Variants in KIAA1614 observed in about 807,000 individuals in gnomAD.
The protein encoded by KIAA1614 is KIAA1614, also known as uncharacterized protein KIAA1614.
A neutral mutation model predicts 88.7 loss-of-function variants in KIAA1614; 76 were observed. The ratio of observed to expected loss-of-function variants is 0.86; its 90% CI spans 0.71 to 1.04. The LOEUF is 1.04. Among genes scored for constraint, KIAA1614 ranks in the 50% least tolerant of loss-of-function variants. The probability of loss-of-function intolerance (pLI) is 0.00; values close to 1 mark genes in which losing one functional copy is unlikely to be tolerated. For synonymous variants in KIAA1614, 714 were observed against 675.5 expected (o/e 1.06, Z -0.88); for missense variants, 1,553 against 1,582.5 (o/e 0.98, Z 0.32).
At chr1:180,944,685 C>T in intron 8 of KIAA1614, 169 bp downstream of exon 8, 1 of 664,260 alleles carries the variant, frequency 1.5e-6, no homozygotes, top group Non-Finnish European at 2.4e-6. Flanking sequence ...GTCTCAGCAC[C>T]TCAGTGCCCT....
Position 180,917,096 on chromosome 1 carries a change from A to C in KIAA1614, c.993A>C (p.Ala331=). Residue 331 remains alanine (A), a synonymous_variant, in exon 2 of 9, where the codon GCA becomes GCC. Coordinates refer to ENST00000367588, the MANE Select transcript of KIAA1614 (RefSeq NM_020950.2). ...GGACTCCATCCTGGGACACAGCTGC[A>C]CCAGGTGAAGCTCACTGTGTAGGTC... ...PAWTPSWDTA[A]PERPVGDVDW... 6.2e-7 allele frequency: 1 copy of C among 1,611,756 alleles called. No individual in the cohort carries two copies. The highest frequency in any genetic ancestry group is 8.5e-7 in the Non-Finnish European group (1 of 1,178,946).
intron 4 of KIAA1614, among the ~76,000 whole-genome samples, chr1:180,930,672 T>G (rs1172695135): frequency 6.6e-6 from 1 of 152,216 alleles, no homozygotes; most frequent in African/African-American, 2.4e-5. Flanking sequence ...ATCACTAACT[T>G]TAACGTAGGC....
rs1225368438 is a variant in KIAA1614 at position 180,949,269 on chromosome 1, CAGGG to C, written c.*3682_*3685del. 8 of 152,394 alleles carry C rather than the reference CAGGG, an allele frequency of 5.2e-5. No homozygotes were observed. The highest frequency in any genetic ancestry group is 1.9e-4 in the African/African-American group (8 of 41,480). The allele number at this position is 152,394 out of a possible 1,614,324, so 9.4% of individuals were successfully genotyped here. A position where few individuals can be genotyped will look rare whatever the true frequency, so the allele number is the denominator to read the frequency against. ...ATTCCGCCAGTGCTGATGCCCACAC[CAGGG>C]GTGTGCCCCGCAGTCCCTCCAGCAA... On this transcript the variant is annotated 3_prime_UTR_variant, in exon 9 of 9. Coordinates refer to ENST00000367588, the MANE Select transcript of KIAA1614 (RefSeq NM_020950.2).
At chr1:180,924,224 T>C (rs1262281591) in intron 3 of KIAA1614, among the ~76,000 whole-genome samples, 2 of 152,210 alleles carry the variant, frequency 1.3e-5, no homozygotes, top group Non-Finnish European at 2.9e-5. Context: ...ATTCATCTGG[T>C]GGGAGCCAGT....
intron 6 of KIAA1614, among the ~76,000 whole-genome samples, chr1:180,940,193 T>G (rs1356627216): frequency 3.3e-5 from 5 of 152,160 alleles, no homozygotes; most frequent in Non-Finnish European, 7.3e-5. Flanking sequence ...TGACACATAG[T>G]AGGTCGTTAA....
chr1:180,935,575 G>T lies in KIAA1614; in HGVS notation c.1666G>T (p.Val556Phe). 1.2e-6 allele frequency: 2 copies of T among 1,605,500 alleles called. No individual in the cohort carries two copies. The highest frequency in any genetic ancestry group is 1.1e-5 in the South Asian group (1 of 90,446). ...PRPAQGKAPP[V>F]PRTLQELQAA... ...CCCCGCCCAGGGGAAGGCGCCCCCC[G>T]TCCCCAGGACCCTCCAGGAGCTCCA... The change falls in exon 5 of 9, where the codon GTC (valine) becomes TTC (phenylalanine). Residue 556 changes from valine to phenylalanine, a missense_variant. Transcript: ENST00000367588. The surrounding 1 kb of genome is among the most constrained non-coding windows in gnomAD (Gnocchi z 6.1).
At chr1:180,942,292 G>C (rs1037663118) in intron 7 of KIAA1614, among the ~76,000 whole-genome samples, 1 of 152,324 alleles carries the variant, frequency 6.6e-6, no homozygotes, top group Admixed American at 6.5e-5. Flanking sequence ...GCTCGCTCAG[G>C]CTCTCCCTCA....
chr1:180,933,686 C>T (rs1209421631), intron 4 of KIAA1614, among the ~76,000 whole-genome samples: 1 of 152,146 alleles, frequency 6.6e-6, no homozygotes. Context: ...CAGGTGTCTT[C>T]CGGAACTGAG....
At position 180,913,251 on chromosome 1, in the gene KIAA1614, G is replaced by C. The variant is rs544186898; in HGVS notation, c.8G>C (p.Gly3Ala). 15 of 1,262,586 alleles carry C rather than the reference G, an allele frequency of 1.2e-5. 1 individual carries two copies. In the South Asian group the frequency reaches 4.8e-4, roughly 40 times the overall value. The allele number at this position is 1,262,586 out of a possible 1,614,324, so 78.2% of individuals were successfully genotyped here. ME[G>A]TEAAAAKPAG... ...GCCTGGCCTCTCCGAGGGATGGAGG[G>C]GACAGAGGCGGCGGCGGCCAAACCC... Residue 3 changes from glycine to alanine, a missense_variant, in exon 1 of 9, where the codon GGG becomes GCG. Physicochemically the swap from Gly to Ala is moderately conservative, Grantham distance 60. Coordinates refer to ENST00000367588, the MANE Select transcript of KIAA1614 (RefSeq NM_020950.2).
In KIAA1614 at chr1:180,916,638, T is replaced by C. The variant is rs745472583; in HGVS notation, c.535T>C (p.Tyr179His). 10 of 1,601,834 alleles carry C rather than the reference T, an allele frequency of 6.2e-6. No individual in the cohort carries two copies. Among genetic ancestry groups the C allele is most frequent in the Non-Finnish European group, 7.7e-6 (9 of 1,173,138 alleles). The change falls in exon 2 of 9, where the codon TAC becomes CAC. Residue 179 changes from tyrosine (Y) to histidine (H), a missense_variant. Coordinates refer to ENST00000367588, the MANE Select transcript of KIAA1614 (RefSeq NM_020950.2). ...CAGGCCGCCTGCCCCTGGACGTGAG[T>C]ACTGCAACAGGGGGAGCCCGTGGCC... ...LPRPPAPGRE[Y>H]CNRGSPWPPE...
rs1424094255 is a variant in KIAA1614, at chr1:180,917,855, A to G, written c.1002A>G (p.Arg334=). 2 of 1,613,888 alleles carry G rather than the reference A, an allele frequency of 1.2e-6. No individual in the cohort carries two copies. Among genetic ancestry groups the G allele is most frequent in the East Asian group, 2.2e-5 (1 of 44,864 alleles). The change falls in exon 3 of 9, where the codon CGA becomes CGG. Residue 334 remains arginine (R), a synonymous_variant. Coordinates refer to ENST00000367588, the MANE Select transcript of KIAA1614 (RefSeq NM_020950.2). ...TPSWDTAAPE[R]PVGDVDWASG... ...TGCTTCTGTTCTGGATCCTAGAGCG[A>G]CCAGTGGGGGATGTGGACTGGGCCT...
At chr1:180,913,660 T>A (rs974072563) in intron 1 of KIAA1614, among the ~76,000 whole-genome samples, 29 of 152,224 alleles carry the variant, frequency 1.9e-4, no homozygotes, top group African/African-American at 7.0e-4. Context: ...GGTCTCGCTC[T>A]GTCGCCCAGG....
chr1:180,934,343 C>A (rs10914139), intron 4 of KIAA1614, among the ~76,000 whole-genome samples: 38,661 of 151,366 alleles, frequency 0.26, 5,113 homozygotes, highest in Middle Eastern at 0.3. Flanking sequence ...AATACCAGAA[C>A]TTTGGGAGGC....
intron 4 of KIAA1614, among the ~76,000 whole-genome samples, chr1:180,929,043 G>A (rs761160409): frequency 5.9e-5 from 9 of 152,218 alleles, no homozygotes; most frequent in Non-Finnish European, 1.2e-4. Context: ...TTAGTGAGGC[G>A]ACAGAGGAGC....
At chr1:180,929,416 G>A (rs1207341179) in intron 4 of KIAA1614, among the ~76,000 whole-genome samples, 1 of 152,186 alleles carries the variant, frequency 6.6e-6, no homozygotes, top group Non-Finnish European at 1.5e-5. Context: ...GGCATTGGAG[G>A]GGGAGGTGGT....
intron 7 of KIAA1614, 74 bp downstream of exon 7, chr1:180,941,359 G>A (rs1308969583): frequency 1.2e-5 from 19 of 1,520,268 alleles, no homozygotes; most frequent in Non-Finnish European, 1.7e-5. Flanking sequence ...AAAGTGAAAG[G>A]AGGGAGGAGG....
Position 180,935,989 on chromosome 1 carries a change from G to A in KIAA1614, c.2080G>A (p.Gly694Arg), listed in dbSNP as rs548264420. The change falls in exon 5 of 9, where the codon GGA (glycine) becomes AGA (arginine). Residue 694 changes from glycine to arginine, a missense_variant. Transcript: ENST00000367588. This position sits in a 1 kb window ranked among gnomAD's most constrained non-coding sequence, Gnocchi z 6.1. Reference sequence around the variant, plus strand: ...GGAAAATGAGGTGAAAGAGGGCAGAGGACACACGCCTGAAGGAACTCTATT... The same window carrying A: ...GGAAAATGAGGTGAAAGAGGGCAGAAGACACACGCCTGAAGGAACTCTATT... ...EVENEVKEGR[G>R]HTPEGTLFLR... 1.4e-5 allele frequency: 22 copies of A among 1,614,064 alleles called. No homozygotes were observed. The highest frequency in any genetic ancestry group is 5.3e-5 in the African/African-American group (4 of 75,052).
In KIAA1614 at chr1:180,917,800, G is replaced by A. The variant is rs866297905; in HGVS notation, c.998-51G>A. On this transcript the variant is annotated intron_variant, in intron 2 of 8. Coordinates refer to ENST00000367588, the MANE Select transcript of KIAA1614 (RefSeq NM_020950.2). ...TCAGTGTTCACTAAGTGGCAGCTGAGAGCCCTGTTTCTGGCTCTGTCCTGA... is the reference window on the plus strand; with the variant it reads ...TCAGTGTTCACTAAGTGGCAGCTGAAAGCCCTGTTTCTGGCTCTGTCCTGA... The A allele has an allele frequency of 9.1e-5, 133 of 1,469,558 alleles. No individual in the cohort carries two copies. In the Middle Eastern group the frequency reaches 3.1e-3, roughly 34 times the overall value. The allele number at this position is 1,469,558 out of a possible 1,614,324, so 91.0% of individuals were successfully genotyped here.
At chr1:180,943,086 G>A (rs1316514018) in intron 7 of KIAA1614, among the ~76,000 whole-genome samples, 1 of 150,384 alleles carries the variant, frequency 6.6e-6, no homozygotes, top group Admixed American at 6.7e-5. Context: ...GAGTGCAGTG[G>A]CGCAATGTCT....
Sources: allele counts gnomAD v4.1 joint callset (sites outside exome capture counted in the v4.1 genomes callset), GRCh38; gene constraint gnomAD v4.1.1; non-coding constraint Gnocchi (gnomAD v3.1); transcripts MANE v1.5; gene names NCBI Gene and HGNC (gene_info 2026-07-23, HGNC 2026-07-21).